Variants in CADM2 observed in about 807,000 individuals in gnomAD.
The protein encoded by CADM2 is immunoglobulin superfamily member 4D.
CADM2 carries 12 observed loss-of-function variants against 49.8 expected under a neutral mutation model. The ratio of observed to expected loss-of-function variants is 0.24; its 90% CI spans 0.15 to 0.39. The LOEUF is 0.39. Ranked by LOEUF, CADM2 falls within the 10% of genes least tolerant of loss-of-function variation. The pLI is 1.00. For missense variants in CADM2, 378 were observed against 492.3 expected (o/e 0.77, Z 2.20); for synonymous variants, 214 against 175.4 (o/e 1.22, Z -1.74).
At chr3:85,186,755 G>A (rs948363871) in intron 1 of CADM2, among the ~76,000 whole-genome samples, 1 of 151,760 alleles carries the variant, frequency 6.6e-6, no homozygotes, top group East Asian at 1.9e-4. Context: ...GGACAAAATT[G>A]CTCCTGATTG....
At chr3:85,859,067 A>G (rs893614413) in intron 3 of CADM2, among the ~76,000 whole-genome samples, 79 of 152,174 alleles carry the variant, frequency 5.2e-4, no homozygotes, top group African/African-American at 1.8e-3. Context: ...TTCTCATTGT[A>G]TACTATTTGA....
intron 1 of CADM2, among the ~76,000 whole-genome samples, chr3:85,413,600 G>C (rs2035778245): frequency 6.6e-6 from 1 of 152,100 alleles, no homozygotes; most frequent in Non-Finnish European, 1.5e-5. Flanking sequence ...CGTCTACAAG[G>C]GCTGAGAACG....
At chr3:85,740,480 G>C (rs1001139064) in intron 2 of CADM2, among the ~76,000 whole-genome samples, 1 of 152,046 alleles carries the variant, frequency 6.6e-6, no homozygotes, top group Admixed American at 6.6e-5. Flanking sequence ...TTGTTATTTG[G>C]AAGGCCTTAA....
chr3:85,935,719 A>G (rs1459661467), intron 6 of CADM2, 48 bp from the exon 7 acceptor site: 1 of 949,444 alleles, frequency 1.1e-6, no homozygotes, highest in South Asian at 1.6e-5. Context: ...TTAAATATCT[A>G]GTTTTGTATG....
At chr3:86,058,533 A>C (rs562067350) in intron 8 of CADM2, among the ~76,000 whole-genome samples, 12 of 152,260 alleles carry the variant, frequency 7.9e-5, no homozygotes, top group Admixed American at 3.9e-4. Context: ...TGGTGTAAAC[A>C]ATTTGTAAAT....
At chr3:85,041,807 G>A (rs2035454565) in intron 1 of CADM2, among the ~76,000 whole-genome samples, 1 of 152,112 alleles carries the variant, frequency 6.6e-6, no homozygotes, top group Admixed American at 6.6e-5. Context: ...ATTGTGCCGT[G>A]GCAGACAGGC....
intron 1 of CADM2, among the ~76,000 whole-genome samples, chr3:85,043,480 G>GACC: frequency 6.6e-6 from 1 of 151,836 alleles, no homozygotes; most frequent in Non-Finnish European, 1.5e-5. Flanking sequence ...AGGAGTTTGA[G>GACC]ACCAACATGG....
chr3:85,124,285 C>G (rs2038957499), intron 1 of CADM2, among the ~76,000 whole-genome samples: 1 of 152,128 alleles, frequency 6.6e-6, no homozygotes, highest in Non-Finnish European at 1.5e-5. Flanking sequence ...GAAGCTAGTT[C>G]CAATAAACCC....
intron 1 of CADM2, among the ~76,000 whole-genome samples, chr3:84,990,723 G>T (rs1008338879): frequency 1.9e-4 from 29 of 152,134 alleles, no homozygotes; most frequent in South Asian, 1.5e-3. Context: ...TGATAACTGG[G>T]CATAGTCTAA....
At chr3:85,110,908 C>G (rs1320687116) in intron 1 of CADM2, among the ~76,000 whole-genome samples, 1 of 151,772 alleles carries the variant, frequency 6.6e-6, no homozygotes, top group Non-Finnish European at 1.5e-5. Context: ...ACAAAGAAAG[C>G]AAATGAGATC....
At chr3:85,924,486 G>C (rs761295601) in intron 6 of CADM2, among the ~76,000 whole-genome samples, 1 of 151,924 alleles carries the variant, frequency 6.6e-6, no homozygotes, top group Non-Finnish European at 1.5e-5. Context: ...CAGCTACATC[G>C]GGGGCCAAAG....
chr3:85,139,411 G>A (rs1378751841), intron 1 of CADM2, among the ~76,000 whole-genome samples: 2 of 151,816 alleles, frequency 1.3e-5, no homozygotes, highest in Non-Finnish European at 2.9e-5. Flanking sequence ...CAGCTTTTGA[G>A]TTGTTCTTTT....
At chr3:84,976,202 A>T (rs2031805340) in intron 1 of CADM2, among the ~76,000 whole-genome samples, 1 of 151,792 alleles carries the variant, frequency 6.6e-6, no homozygotes, top group African/African-American at 2.4e-5. Flanking sequence ...AAATTATGAA[A>T]GGTATTTGTG....
chr3:85,112,781 A>G (rs1164745047), intron 1 of CADM2, among the ~76,000 whole-genome samples: 1 of 151,842 alleles, frequency 6.6e-6, no homozygotes, highest in African/African-American at 2.4e-5. Context: ...AGACTTTCAT[A>G]AAGACATATG....
chr3:85,558,628 C>G (rs1384885135), intron 1 of CADM2, among the ~76,000 whole-genome samples: 6 of 151,980 alleles, frequency 3.9e-5, no homozygotes, highest in African/African-American at 1.4e-4. Context: ...ACATTATAAT[C>G]TTAGGACTAT....
chr3:85,970,472 A>G lies in CADM2; in HGVS notation c.970+8825A>G, dbSNP rs181889329. Among the ~76,000 whole-genome samples, 383 of 151,692 alleles carry G rather than the reference A, an allele frequency of 2.5e-3. 1 individual carries two copies. Among genetic ancestry groups the G allele is most frequent in the African/African-American group, 8.9e-3 (370 of 41,494 alleles). Reference sequence around the variant, plus strand: ...TCTAAGGATATGTCAAAGTGGACCTATTCATTAATATGCATGTGCAAAAAT... The same window carrying G: ...TCTAAGGATATGTCAAAGTGGACCTGTTCATTAATATGCATGTGCAAAAAT... On this transcript the variant is annotated intron_variant, in intron 8 of 9. Coordinates refer to ENST00000383699, the MANE Select transcript of CADM2 (RefSeq NM_001167675.2).
At chr3:85,492,149 TC>T (rs546567982) in intron 1 of CADM2, among the ~76,000 whole-genome samples, 196 of 152,276 alleles carry the variant, frequency 1.3e-3, no homozygotes, top group African/African-American at 4.4e-3. Context: ...GACTATGTGC[TC>T]CAACATACTA....
intron 1 of CADM2, among the ~76,000 whole-genome samples, chr3:85,595,395 C>A (rs533825228): frequency 2.6e-4 from 40 of 152,150 alleles, no homozygotes; most frequent in African/African-American, 9.4e-4. Flanking sequence ...AATATGCAAA[C>A]AGTTCACAGA....
At chr3:85,694,297 T>G (rs987668269) in intron 1 of CADM2, among the ~76,000 whole-genome samples, 1 of 152,136 alleles carries the variant, frequency 6.6e-6, no homozygotes, top group Non-Finnish European at 1.5e-5. Context: ...TAAGATTAAA[T>G]GAAATCATAA....
Sources: allele counts gnomAD v4.1 joint callset (sites outside exome capture counted in the v4.1 genomes callset), GRCh38; gene constraint gnomAD v4.1.1; transcripts MANE v1.5; gene names NCBI Gene and HGNC (gene_info 2026-07-23, HGNC 2026-07-21).